The following POPDC1 variants were observed in gnomAD, a reference collection of about 807,000 sequenced individuals.
The protein encoded by POPDC1 is popeye domain cAMP effector 1.
the POPDC1 span, among the ~76,000 whole-genome samples, chr6:105,130,834 G>A: frequency 6.6e-6 from 1 of 152,128 alleles, no homozygotes; most frequent in Non-Finnish European, 1.5e-5. Context: ...TTCGTTATAC[G>A]ATGCATAACT....
chr6:105,106,633 G>C, the POPDC1 span, among the ~76,000 whole-genome samples: 1 of 152,174 alleles, frequency 6.6e-6, no homozygotes, highest in Non-Finnish European at 1.5e-5. Flanking sequence ...GCTGGTTAGG[G>C]AGGAGGGGAG....
chr6:105,101,033 T>C, the POPDC1 span: 1 of 1,532,456 alleles, frequency 6.5e-7, no homozygotes, highest in Non-Finnish European at 8.8e-7. Context: ...GTGCTGGTAT[T>C]TTTCAGGATC....
the POPDC1 span, among the ~76,000 whole-genome samples, chr6:105,111,007 T>A: frequency 6.6e-6 from 1 of 152,172 alleles, no homozygotes; most frequent in African/African-American, 2.4e-5. Context: ...GTCTTGACAC[T>A]AATAACAAAC....
the POPDC1 span, among the ~76,000 whole-genome samples, chr6:105,125,115 A>G: frequency 1.3e-5 from 2 of 152,234 alleles, no homozygotes; most frequent in African/African-American, 4.8e-5. Context: ...ATCCACTACA[A>G]TTTTGACTCA....
At chr6:105,116,790 G>A in the POPDC1 span, 6 of 1,612,768 alleles carry the variant, frequency 3.7e-6, no homozygotes, top group Non-Finnish European at 8.5e-7. Flanking sequence ...TACAAGAAAG[G>A]TTCTGATTCC....
chr6:105,110,688 A>AT, the POPDC1 span, among the ~76,000 whole-genome samples: 123,248 of 151,102 alleles, frequency 0.82, 51,099 homozygotes, highest in Non-Finnish European at 0.88. Context: ...CCACAACAGC[A>AT]TTTTTTTTTC....
At chr6:105,120,936 A>C in the POPDC1 span, among the ~76,000 whole-genome samples, 1 of 152,248 alleles carries the variant, frequency 6.6e-6, no homozygotes, top group Admixed American at 6.5e-5. Context: ...AAGCACTAAA[A>C]TAACACAGAT....
At chr6:105,114,226 A>G in the POPDC1 span, among the ~76,000 whole-genome samples, 66 of 152,340 alleles carry the variant, frequency 4.3e-4, no homozygotes, top group Admixed American at 4.0e-3. Flanking sequence ...TCATTTCCTT[A>G]CAAAAGCTTC....
the POPDC1 span, among the ~76,000 whole-genome samples, chr6:105,113,594 T>C: frequency 6.6e-6 from 1 of 152,164 alleles, no homozygotes; most frequent in African/African-American, 2.4e-5. Context: ...GCAGTTACAA[T>C]GGCAGTGACC....
At chr6:105,127,242 G>A in the POPDC1 span, among the ~76,000 whole-genome samples, 2 of 152,108 alleles carry the variant, frequency 1.3e-5, no homozygotes, top group Non-Finnish European at 2.9e-5. Flanking sequence ...AGTATGAGAA[G>A]AAACAAAAGC....
At chr6:105,123,827 A>G in the POPDC1 span, among the ~76,000 whole-genome samples, 6 of 152,262 alleles carry the variant, frequency 3.9e-5, no homozygotes, top group Non-Finnish European at 8.8e-5. Flanking sequence ...CATTTCATTC[A>G]TAAGAATTAA....
chr6:105,120,432 AT>A, the POPDC1 span, among the ~76,000 whole-genome samples: 6 of 152,224 alleles, frequency 3.9e-5, no homozygotes, highest in Non-Finnish European at 5.9e-5. Flanking sequence ...AGCAAAGTGT[AT>A]TTTTTATGAG....
the POPDC1 span, among the ~76,000 whole-genome samples, chr6:105,113,137 G>GCC: frequency 6.6e-6 from 1 of 151,756 alleles, no homozygotes; most frequent in Admixed American, 6.6e-5. Flanking sequence ...TCATTATGTT[G>GCC]CCCAGGCTGG....
chr6:105,113,686 C>G, the POPDC1 span, among the ~76,000 whole-genome samples: 1 of 152,078 alleles, frequency 6.6e-6, no homozygotes, highest in Admixed American at 6.6e-5. Context: ...TAGTTAATAC[C>G]TTCAAAAAGT....
the POPDC1 span, among the ~76,000 whole-genome samples, chr6:105,105,712 T>C: frequency 6.8e-6 from 1 of 147,512 alleles, no homozygotes; most frequent in Admixed American, 7.1e-5. Flanking sequence ...CATTAATAAA[T>C]AACTTCTACA....
chr6:105,123,522 T>A, the POPDC1 span, among the ~76,000 whole-genome samples: 1 of 152,040 alleles, frequency 6.6e-6, no homozygotes, highest in African/African-American at 2.4e-5. Context: ...TGCCTCAGCC[T>A]CCCGAGTAGC....
At chr6:105,129,410 T>C in the POPDC1 span, 9 of 1,612,022 alleles carry the variant, frequency 5.6e-6, no homozygotes, top group Non-Finnish European at 6.8e-6. Context: ...ATACGACAGA[T>C]GCAAAATGTT....
the POPDC1 span, among the ~76,000 whole-genome samples, chr6:105,106,820 T>C: frequency 6.6e-6 from 1 of 152,130 alleles, no homozygotes; most frequent in Admixed American, 6.5e-5. Flanking sequence ...TATAAAATAT[T>C]TGTGGGTACA....
chr6:105,124,441 G>T, the POPDC1 span: 155 of 610,968 alleles, frequency 2.5e-4, no homozygotes, highest in Middle Eastern at 9.0e-4. Context: ...ATGGTAACTT[G>T]TTTTTCCCCC....
Sources: gnomAD v4.1 joint callset for allele counts (sites outside exome capture counted in the v4.1 genomes callset) on GRCh38, gnomAD v4.1.1 for gene constraint, MANE v1.5 for transcripts, NCBI Gene and HGNC (gene_info 2026-07-23, HGNC 2026-07-21) for gene names.